Variants in ABLIM1 observed in about 807,000 individuals in gnomAD.
ABLIM1 encodes actin-binding LIM protein 1.
Under a neutral mutation model 107.0 loss-of-function variants are expected in ABLIM1, and 40 were observed. The ratio of observed to expected loss-of-function variants is 0.37; its 90% CI spans 0.29 to 0.49. The LOEUF is 0.49. Among genes scored for constraint, ABLIM1 ranks in the 20% least tolerant of loss-of-function variants. The probability of loss-of-function intolerance (pLI) is 0.97; values close to 1 mark genes in which losing one functional copy is unlikely to be tolerated. For missense variants in ABLIM1, 857 were observed against 1,008.5 expected (o/e 0.85, Z 2.04); for synonymous variants, 357 against 357.3 (o/e 1.00, Z 0.01).
chr10:114,679,995 TGA>T (rs2080675498), intron 1 of ABLIM1, among the ~76,000 whole-genome samples: 1 of 152,184 alleles, frequency 6.6e-6, no homozygotes, highest in African/African-American at 2.4e-5. Flanking sequence ...ATTTTTACAA[TGA>T]AAGCCTATTC....
chr10:114,603,824 G>A (rs766629961), intron 1 of ABLIM1, among the ~76,000 whole-genome samples: 1 of 151,680 alleles, frequency 6.6e-6, no homozygotes, highest in African/African-American at 2.4e-5. Flanking sequence ...GTGGTGGCAC[G>A]TGCCTGTAAT....
At chr10:114,687,537 T>C (rs1423561992), upstream of ABLIM1, among the ~76,000 whole-genome samples, 1 of 152,246 alleles carries the variant, frequency 6.6e-6, no homozygotes, top group South Asian at 2.1e-4. Flanking sequence ...AGTGATGCTG[T>C]CGTACCCTGG....
chr10:114,798,567 A>AT, the ABLIM1 span, among the ~76,000 whole-genome samples: 2 of 74,734 alleles, frequency 2.7e-5, no homozygotes, highest in African/African-American at 9.0e-5. Context: ...CCCCCCCCCC[A>AT]TGTCTACAAA....
chr10:114,468,327 T>C (rs570590452), intron 10 of ABLIM1, 111 bp from the exon 11 acceptor site: 4 of 1,014,644 alleles, frequency 3.9e-6, no homozygotes, highest in South Asian at 3.9e-5. Context: ...CAGGCTGGAG[T>C]GCAGTGGCGC....
rs111351778 is a variant in ABLIM1 at position 114,629,520 on chromosome 10, C to G, written c.245-27559G>C. ...GATCTACAGTGGGGGAAACACTAAC[C>G]TATGCACTGGAAAGTTAAAGATGGA... On this transcript the variant is annotated intron_variant, in intron 1 of 22. Coordinates refer to ENST00000533213, the MANE Select transcript of ABLIM1 (RefSeq NM_002313.7). The surrounding 1 kb of genome is among the most constrained non-coding windows in gnomAD (Gnocchi z 4.0). Among the ~76,000 whole-genome samples the G allele has an allele frequency of 5.7e-3, 871 of 152,312 alleles. 9 individuals carry two copies. Among genetic ancestry groups the G allele is most frequent in the African/African-American group, 0.02 (833 of 41,562 alleles).
At chr10:114,583,456 CACACACACACACATATAT>C (rs1566009088) in intron 2 of ABLIM1, among the ~76,000 whole-genome samples, 4 of 13,530 alleles carry the variant, frequency 3.0e-4, no homozygotes, top group Non-Finnish European at 4.5e-4. Context: ...CACACACACA[CACACACACACACATATAT>C]ATATATATAT....
chr10:114,468,893 C>G (rs558865864), intron 10 of ABLIM1, among the ~76,000 whole-genome samples: 1 of 151,514 alleles, frequency 6.6e-6, no homozygotes, highest in East Asian at 2.0e-4. Flanking sequence ...CTACTAAAAA[C>G]TACAAAAAAT....
intron 1 of ABLIM1, among the ~76,000 whole-genome samples, chr10:114,762,677 T>C (rs1488496998): frequency 6.6e-6 from 1 of 152,244 alleles, no homozygotes; most frequent in African/African-American, 2.4e-5. Flanking sequence ...TGTTATGTAC[T>C]GTTCTATGAT....
At chr10:114,542,622 AG>A (rs1296161005) in intron 6 of ABLIM1, among the ~76,000 whole-genome samples, 1 of 142,140 alleles carries the variant, frequency 7.0e-6, no homozygotes, top group East Asian at 2.1e-4. Context: ...AGAAAGAGAA[AG>A]AAGAAGGAGG....
In ABLIM1 at chr10:114,467,545, A is replaced by G. The variant is rs756191370; in HGVS notation, c.1311+636T>C. Among the ~76,000 whole-genome samples the G allele has an allele frequency of 4.6e-5, 7 of 152,240 alleles. No homozygotes were observed. In the East Asian group the frequency reaches 1.3e-3, roughly 29 times the overall value. On this transcript the variant is annotated intron_variant, in intron 11 of 22. Coordinates refer to ENST00000533213, the MANE Select transcript of ABLIM1 (RefSeq NM_002313.7). Reference sequence around the variant, plus strand: ...CAACAAAACAAAAAGTCCCCAGATTATGTGCTTCAAGCTTGCACAGTTGGT... The same window carrying G: ...CAACAAAACAAAAAGTCCCCAGATTGTGTGCTTCAAGCTTGCACAGTTGGT...
intron 1 of ABLIM1, among the ~76,000 whole-genome samples, chr10:114,633,618 G>A (rs111450719): frequency 6.6e-6 from 1 of 152,140 alleles, no homozygotes; most frequent in East Asian, 1.9e-4. Flanking sequence ...ACTGAAGAGC[G>A]TTTAAGCGAC....
intron 2 of ABLIM1, among the ~76,000 whole-genome samples, chr10:114,597,673 G>A (rs2075564576): frequency 6.6e-6 from 1 of 152,248 alleles, no homozygotes; most frequent in Non-Finnish European, 1.5e-5. Context: ...GAGATGGCCT[G>A]AGAATACGAG....
chr10:114,532,790 A>G (rs1192905897), intron 6 of ABLIM1, among the ~76,000 whole-genome samples: 2 of 152,146 alleles, frequency 1.3e-5, no homozygotes, highest in African/African-American at 4.8e-5. Flanking sequence ...CTTATTATGA[A>G]CCCAAAAGCT....
At chr10:114,663,796 A>G (rs1304018840) in intron 1 of ABLIM1, among the ~76,000 whole-genome samples, 1 of 152,168 alleles carries the variant, frequency 6.6e-6, no homozygotes, top group Admixed American at 6.5e-5. Flanking sequence ...TAAATAGCTG[A>G]GCGTAGAACC....
chr10:114,745,065 TC>T (rs2082355859), intron 1 of ABLIM1, among the ~76,000 whole-genome samples: 3 of 152,186 alleles, frequency 2.0e-5, no homozygotes, highest in African/African-American at 7.2e-5. Context: ...TCCTTCAGTC[TC>T]TATCCACTCC....
intron 1 of ABLIM1, among the ~76,000 whole-genome samples, chr10:114,623,301 C>A (rs373760678): frequency 2.0e-5 from 3 of 152,284 alleles, no homozygotes; most frequent in East Asian, 3.9e-4. Flanking sequence ...CCCCAACTCG[C>A]CCCCATGAAA....
At chr10:114,546,905 C>A (rs2067419325) in intron 5 of ABLIM1, among the ~76,000 whole-genome samples, 1 of 152,126 alleles carries the variant, frequency 6.6e-6, no homozygotes, top group African/African-American at 2.4e-5. Context: ...CTCAGACTCA[C>A]AAGTAGCTGG....
At chr10:114,632,281 A>C (rs1359277736) in intron 1 of ABLIM1, 6 of 985,302 alleles carry the variant, frequency 6.1e-6, no homozygotes, top group Non-Finnish European at 7.2e-6. Context: ...CCTCGCACCG[A>C]GGACGGGCTA....
intron 1 of ABLIM1, among the ~76,000 whole-genome samples, chr10:114,634,166 T>C (rs2078353270): frequency 9.7e-6 from 1 of 102,606 alleles, no homozygotes; most frequent in Non-Finnish European, 1.8e-5. Context: ...GGAGTCTTGC[T>C]CTGTCGCCCA....
Sources: allele counts gnomAD v4.1 joint callset (sites outside exome capture counted in the v4.1 genomes callset), GRCh38; gene constraint gnomAD v4.1.1; non-coding constraint Gnocchi (gnomAD v3.1); transcripts MANE v1.5; gene names NCBI Gene and HGNC (gene_info 2026-07-23, HGNC 2026-07-21).